CALN1: variants seen among roughly 807,000 people sequenced by gnomAD.
The protein encoded by CALN1 is calcium-binding protein 8.
Under a neutral mutation model 30.6 loss-of-function variants are expected in CALN1, and 17 were observed. That is an observed-to-expected ratio of 0.56 (90% CI 0.38 to 0.83). CALN1 has a LOEUF of 0.83. CALN1 is among the 40% of genes least tolerant of loss of function. The pLI is 0.00. For synonymous variants in CALN1, 156 were observed against 131.4 expected (o/e 1.19, Z -1.28); for missense variants, 291 against 354.9 (o/e 0.82, Z 1.45).
At chr7:71,943,785 G>C (rs888673845) in intron 5 of CALN1, among the ~76,000 whole-genome samples, 1 of 152,122 alleles carries the variant, frequency 6.6e-6, no homozygotes, top group Non-Finnish European at 1.5e-5. Context: ...TGAAAGAAGA[G>C]AATGTGTATA....
At chr7:72,218,829 T>A (rs753522489) in intron 3 of CALN1, among the ~76,000 whole-genome samples, 16 of 152,198 alleles carry the variant, frequency 1.1e-4, no homozygotes, top group Non-Finnish European at 1.5e-4. Context: ...GGTTTTCCTC[T>A]GAAGGAGAAG....
At chr7:72,299,049 G>A (rs1468804494) in intron 2 of CALN1, among the ~76,000 whole-genome samples, 1 of 152,098 alleles carries the variant, frequency 6.6e-6, no homozygotes, top group East Asian at 1.9e-4. Context: ...CCAGGCACTT[G>A]TGTCACAAGT....
At chr7:72,275,838 A>G (rs999277952) in intron 3 of CALN1, among the ~76,000 whole-genome samples, 3 of 152,154 alleles carry the variant, frequency 2.0e-5, no homozygotes, top group Non-Finnish European at 4.4e-5. Flanking sequence ...TTTGTCCAGG[A>G]AAGTGGAGGG....
At chr7:71,843,830 CCT>C (rs997517612) in intron 5 of CALN1, among the ~76,000 whole-genome samples, 22 of 152,306 alleles carry the variant, frequency 1.4e-4, no homozygotes, top group African/African-American at 4.3e-4. Flanking sequence ...AATTTCCTCC[CCT>C]GTGTCCTCTT....
chr7:72,307,559 A>G (rs1256079956), intron 2 of CALN1, among the ~76,000 whole-genome samples: 1 of 152,214 alleles, frequency 6.6e-6, no homozygotes, highest in African/African-American at 2.4e-5. Context: ...TGGCCTCGCA[A>G]AGCTTGCAGA....
intron 6 of CALN1, among the ~76,000 whole-genome samples, chr7:71,798,231 C>G (rs529653819): frequency 6.6e-6 from 1 of 151,888 alleles, no homozygotes; most frequent in South Asian, 2.1e-4. Context: ...CTTGACTTCC[C>G]CCATTATTTG....
chr7:71,964,680 A>G (rs975104068), intron 5 of CALN1, among the ~76,000 whole-genome samples: 1 of 150,778 alleles, frequency 6.6e-6, no homozygotes, highest in Admixed American at 6.6e-5. Context: ...CCAAACCAAA[A>G]CAAAACAAAA....
At chr7:72,380,239 A>G (rs532016912) in intron 2 of CALN1, among the ~76,000 whole-genome samples, 101 of 152,300 alleles carry the variant, frequency 6.6e-4, no homozygotes, top group African/African-American at 2.3e-3. Context: ...CCAAGCTTCA[A>G]TGAAAATGAA....
At chr7:72,408,749 T>C (rs1464591690) in intron 1 of CALN1, among the ~76,000 whole-genome samples, 8 of 129,976 alleles carry the variant, frequency 6.2e-5, no homozygotes, top group Non-Finnish European at 1.6e-5. Flanking sequence ...CAATCATAGC[T>C]CCCTGCAGCC....
At chr7:72,308,632 G>T (rs1433180605) in intron 2 of CALN1, among the ~76,000 whole-genome samples, 2 of 152,152 alleles carry the variant, frequency 1.3e-5, no homozygotes, top group African/African-American at 2.4e-5. Context: ...GTCCCCCAGA[G>T]CTACCATCCT....
intron 2 of CALN1, among the ~76,000 whole-genome samples, chr7:72,291,936 T>C (rs973880714): frequency 3.3e-5 from 5 of 151,222 alleles, no homozygotes; most frequent in Admixed American, 6.6e-5. Flanking sequence ...TTATTGCCAA[T>C]GTGATGGTAT....
chr7:71,833,251 G>A (rs1789398056), intron 5 of CALN1, among the ~76,000 whole-genome samples: 1 of 152,138 alleles, frequency 6.6e-6, no homozygotes, highest in Non-Finnish European at 1.5e-5. Flanking sequence ...TGACATTTTT[G>A]TTCTGTCCAT....
the CALN1 span, among the ~76,000 whole-genome samples, chr7:72,477,937 C>T: frequency 2.0e-5 from 3 of 152,148 alleles, no homozygotes; most frequent in East Asian, 3.8e-4. Flanking sequence ...CAGTTACATT[C>T]GTATCACGCT....
chr7:72,432,779 T>C (rs991643938), intron 1 of CALN1, among the ~76,000 whole-genome samples: 5 of 152,186 alleles, frequency 3.3e-5, no homozygotes, highest in African/African-American at 9.7e-5. Flanking sequence ...CTCTCTGAAG[T>C]TGGCTACTTT....
At chr7:71,979,503 C>CT (rs1207027234) in intron 5 of CALN1, among the ~76,000 whole-genome samples, 4 of 152,076 alleles carry the variant, frequency 2.6e-5, no homozygotes, top group South Asian at 2.1e-4. Context: ...CTATGAGACT[C>CT]TAACGCTGCC....
chr7:71,944,294 A>C (rs1393623362), intron 5 of CALN1, among the ~76,000 whole-genome samples: 1 of 152,110 alleles, frequency 6.6e-6, no homozygotes, highest in Non-Finnish European at 1.5e-5. Context: ...TTTAAAAAAC[A>C]AAAAAATAAG....
chr7:71,851,390 G>C lies in CALN1; in HGVS notation c.502-40898C>G, dbSNP rs1790638544. Among the ~76,000 whole-genome samples, 4 of 151,682 alleles carry C rather than the reference G, an allele frequency of 2.6e-5. No homozygotes were observed. The Admixed American group carries it at 2.6e-4, about 10-fold the overall frequency. On this transcript the variant is annotated intron_variant, in intron 5 of 6. Coordinates refer to ENST00000395275, the MANE Select transcript of CALN1 (RefSeq NM_031468.4). ...AAAAATTAGCCAGGCATGGTGGTGG[G>C]TGCTTGTGATCCCAGCTATTCGGGA...
At chr7:72,254,804 T>C (rs767731176) in intron 3 of CALN1, among the ~76,000 whole-genome samples, 19 of 152,122 alleles carry the variant, frequency 1.2e-4, no homozygotes, top group African/African-American at 2.4e-4. Context: ...GCTTGCCCTG[T>C]TGCCCAGACT....
intron 4 of CALN1, among the ~76,000 whole-genome samples, chr7:72,065,852 C>T (rs147079925): frequency 0.081 from 12,390 of 152,096 alleles, 1,667 homozygotes; most frequent in African/African-American, 0.28. Flanking sequence ...AAGATCACAC[C>T]ATTGCACTCC....
Sources: gnomAD v4.1 joint callset for allele counts (sites outside exome capture counted in the v4.1 genomes callset) on GRCh38, gnomAD v4.1.1 for gene constraint, MANE v1.5 for transcripts, NCBI Gene and HGNC (gene_info 2026-07-23, HGNC 2026-07-21) for gene names.